Variants in MAP4K4 observed in about 807,000 individuals in gnomAD.
MAP4K4 encodes mitogen-activated protein kinase kinase kinase kinase 4, also known as HPK/GCK-like kinase HGK.
Under a neutral mutation model 189.6 loss-of-function variants are expected in MAP4K4, and 38 were observed. The observed-to-expected ratio is 0.20, with a 90% CI of 0.15 to 0.26. The LOEUF is 0.26. Among genes scored for constraint, MAP4K4 ranks in the 10% least tolerant of loss-of-function variants. The pLI, the probability that MAP4K4 is intolerant of heterozygous loss-of-function variation, is 1.00. For synonymous variants in MAP4K4, 610 were observed against 624.3 expected (o/e 0.98, Z 0.34); for missense variants, 1,054 against 1,726.9 (o/e 0.61, Z 6.91).
In MAP4K4 at chr2:101,722,432, A is replaced by G. The variant is rs78881914; in HGVS notation, c.123+23894A>G. ...TTTTACCTTCATTTATGATAGCCCA[A>G]TTTTGGGAAGCAGATTCAGTTCACT... On this transcript the variant is annotated intron_variant, in intron 2 of 32. Coordinates refer to ENST00000324219, the Ensembl canonical transcript of MAP4K4. Among the ~76,000 whole-genome samples, 23 of 152,276 alleles carry G rather than the reference A, an allele frequency of 1.5e-4. No individual in the cohort carries two copies. The East Asian group carries it at 2.5e-3, about 17-fold the overall frequency.
chr2:101,753,071 C>T (rs1216653757), intron 2 of MAP4K4, among the ~76,000 whole-genome samples: 1 of 152,210 alleles, frequency 6.6e-6, no homozygotes, highest in Non-Finnish European at 1.5e-5. Context: ...GTGGAGCATA[C>T]TTGTACATGC....
intron 3 of MAP4K4, among the ~76,000 whole-genome samples, chr2:101,813,925 G>C (rs1231389180): frequency 6.6e-6 from 1 of 152,186 alleles, no homozygotes; most frequent in African/African-American, 2.4e-5. Flanking sequence ...TTGATTTTGT[G>C]TTTCTCTCAC....
intron 2 of MAP4K4, among the ~76,000 whole-genome samples, chr2:101,718,600 G>A (rs1382273536): frequency 4.0e-5 from 5 of 123,744 alleles, no homozygotes; most frequent in African/African-American, 1.2e-4. Context: ...GAAGGGTGGG[G>A]GATGGGGGGT....
intron 3 of MAP4K4, among the ~76,000 whole-genome samples, chr2:101,817,784 G>A (rs78610131): frequency 1.2e-4 from 18 of 152,296 alleles, no homozygotes; most frequent in African/African-American, 3.9e-4. Flanking sequence ...AAGAGGATGC[G>A]TTGCGTTTTT....
intron 2 of MAP4K4, among the ~76,000 whole-genome samples, chr2:101,718,863 C>T (rs1401894655): frequency 2.0e-5 from 3 of 152,204 alleles, no homozygotes; most frequent in Non-Finnish European, 1.5e-5. Context: ...TCCATACTTT[C>T]AATAGTAAGG....
intron 19 of MAP4K4, 135 bp downstream of exon 19, chr2:101,866,714 C>A: frequency 9.2e-7 from 1 of 1,087,748 alleles, no homozygotes; most frequent in Non-Finnish European, 1.3e-6. Context: ...TTGCTAGTGA[C>A]AATAATAGTC....
At chr2:101,742,956 C>A (rs373888110) in intron 2 of MAP4K4, among the ~76,000 whole-genome samples, 1 of 152,056 alleles carries the variant, frequency 6.6e-6, no homozygotes, top group Non-Finnish European at 1.5e-5. Flanking sequence ...TTTATCAGGC[C>A]CACGTCCTGC....
intron 3 of MAP4K4, among the ~76,000 whole-genome samples, chr2:101,822,822 A>AG (rs2096148015): frequency 6.6e-6 from 1 of 152,222 alleles, no homozygotes; most frequent in Non-Finnish European, 1.5e-5. Flanking sequence ...AGGACATTTT[A>AG]GGGGACTAGT....
intron 3 of MAP4K4, among the ~76,000 whole-genome samples, chr2:101,813,472 A>G (rs900656976): frequency 1.3e-5 from 2 of 152,198 alleles, no homozygotes; most frequent in African/African-American, 4.8e-5. Context: ...TGTTCGTATT[A>G]TTTCCAATTT....
chr2:101,799,948 A>G (rs958096580), intron 3 of MAP4K4, among the ~76,000 whole-genome samples: 2 of 152,032 alleles, frequency 1.3e-5, no homozygotes, highest in African/African-American at 4.8e-5. Flanking sequence ...CAGTGGCCAC[A>G]TGTTCATTTA....
At chr2:101,867,014 A>G (rs2097838343) in intron 19 of MAP4K4, among the ~76,000 whole-genome samples, 198 bp from the exon 20 acceptor site, 1 of 151,352 alleles carries the variant, frequency 6.6e-6, no homozygotes, top group Admixed American at 6.6e-5. Context: ...GAGTGTGATG[A>G]TGGAGGGTTT....
chr2:101,858,628 A>T (rs185590329), intron 13 of MAP4K4, among the ~76,000 whole-genome samples: 2 of 152,230 alleles, frequency 1.3e-5, no homozygotes, highest in East Asian at 3.8e-4. Context: ...ATGTTTACTA[A>T]TCAGAACCCT....
In MAP4K4 at chr2:101,821,937, C is replaced by T. The variant is rs192117068; in HGVS notation, c.181-1991C>T. On this transcript the variant is annotated intron_variant, in intron 3 of 32. Coordinates refer to ENST00000324219, the Ensembl canonical transcript of MAP4K4. ...TAAAAAACGAAGACAGAAACACACA[C>T]GTTATCTTAGGCCTACACATGGTCA... Among the ~76,000 whole-genome samples, 525 of 152,252 alleles carry T rather than the reference C, an allele frequency of 3.4e-3. 2 individuals are homozygous for T. The highest frequency in any genetic ancestry group is 0.012 in the African/African-American group (509 of 41,526).
intron 2 of MAP4K4, among the ~76,000 whole-genome samples, chr2:101,789,383 A>C (rs534649425): frequency 3.3e-5 from 5 of 152,196 alleles, no homozygotes; most frequent in African/African-American, 1.2e-4. Context: ...ACCACTGACC[A>C]TGTGCCACAC....
chr2:101,740,803 T>C (rs2062398853), intron 2 of MAP4K4, among the ~76,000 whole-genome samples: 2 of 152,166 alleles, frequency 1.3e-5, no homozygotes, highest in South Asian at 2.1e-4. Flanking sequence ...GAAGGAAACA[T>C]GTCTGTTGAG....
At chr2:101,704,555 A>T in intron 2 of MAP4K4, among the ~76,000 whole-genome samples, 3 of 69,636 alleles carry the variant, frequency 4.3e-5, no homozygotes, top group African/African-American at 1.4e-4. Flanking sequence ...ATATATATAT[A>T]TATATATATA....
At chr2:101,820,516 C>T (rs1012269039) in intron 3 of MAP4K4, among the ~76,000 whole-genome samples, 2 of 152,164 alleles carry the variant, frequency 1.3e-5, no homozygotes, top group African/African-American at 4.8e-5. Context: ...GGAGAAAAAC[C>T]ATTAGTTCAC....
chr2:101,860,737 T>G, intron 15 of MAP4K4, 88 bp from the exon 16 acceptor site: 4 of 1,162,840 alleles, frequency 3.4e-6, no homozygotes, highest in Non-Finnish European at 4.7e-6. Flanking sequence ...AAACTTACCT[T>G]TAGATTTCTT....
At chr2:101,872,607 G>A (rs905056250) in intron 24 of MAP4K4, among the ~76,000 whole-genome samples, 12 of 152,174 alleles carry the variant, frequency 7.9e-5, no homozygotes, top group Non-Finnish European at 1.6e-4. Context: ...CTCCGGAGGA[G>A]CAGTGGCAAG....
Sources: gnomAD v4.1 joint callset for allele counts (sites outside exome capture counted in the v4.1 genomes callset) on GRCh38, gnomAD v4.1.1 for gene constraint, MANE v1.5 for transcripts, NCBI Gene and HGNC (gene_info 2026-07-23, HGNC 2026-07-21) for gene names.